The following KIAA1217 variants were observed in gnomAD, a reference collection of about 807,000 sequenced individuals.
KIAA1217 encodes the protein sickle tail protein homolog.
A neutral mutation model predicts 163.9 loss-of-function variants in KIAA1217; 88 were observed. The ratio of observed to expected loss-of-function variants is 0.54; its 90% CI spans 0.45 to 0.64. KIAA1217 has a LOEUF of 0.64. KIAA1217 is among the 30% of genes least tolerant of loss of function. KIAA1217 has a pLI of 0.00. For missense variants in KIAA1217, 2,372 were observed against 2,475.0 expected (o/e 0.96, Z 0.88); for synonymous variants, 903 against 923.1 (o/e 0.98, Z 0.39).
At chr10:23,763,443 C>T (rs1348443198) in intron 1 of KIAA1217, among the ~76,000 whole-genome samples, 3 of 151,992 alleles carry the variant, frequency 2.0e-5, no homozygotes, top group Non-Finnish European at 4.4e-5. Flanking sequence ...GAACAGAGAC[C>T]CCAGAAATAA....
chr10:24,474,570 A>G (rs556912686), intron 6 of KIAA1217, among the ~76,000 whole-genome samples: 1 of 152,316 alleles, frequency 6.6e-6, no homozygotes, highest in Admixed American at 6.5e-5. Context: ...TTCTAGGAGG[A>G]TAAACATCTG....
chr10:23,889,668 C>A (rs1456928209), intron 1 of KIAA1217, among the ~76,000 whole-genome samples: 2 of 141,124 alleles, frequency 1.4e-5, no homozygotes, highest in African/African-American at 5.6e-5. Flanking sequence ...ATTTGAAGAG[C>A]AAGAAAATGC....
At chr10:23,970,608 C>T (rs1251920001) in intron 1 of KIAA1217, among the ~76,000 whole-genome samples, 1 of 152,198 alleles carries the variant, frequency 6.6e-6, no homozygotes, top group Non-Finnish European at 1.5e-5. Flanking sequence ...GTATTGTCTA[C>T]TTGAAAAGTG....
chr10:24,524,068 C>T (rs906006171), intron 12 of KIAA1217, among the ~76,000 whole-genome samples: 32 of 152,248 alleles, frequency 2.1e-4, no homozygotes, highest in African/African-American at 7.0e-4. Context: ...CAGAATCAGG[C>T]GGAGGAGTTA....
chr10:24,092,804 G>A (rs1308819274), intron 2 of KIAA1217, among the ~76,000 whole-genome samples: 1 of 151,740 alleles, frequency 6.6e-6, no homozygotes, highest in Non-Finnish European at 1.5e-5. Flanking sequence ...TGATGGAACT[G>A]TTTTGTATCA....
intron 3 of KIAA1217, among the ~76,000 whole-genome samples, chr10:24,410,374 C>G (rs2057661041): frequency 6.6e-6 from 1 of 152,140 alleles, no homozygotes; most frequent in Non-Finnish European, 1.5e-5. Flanking sequence ...CCTAATAAAA[C>G]TGTTTTGAAA....
chr10:24,195,935 T>C (rs1003773789), intron 2 of KIAA1217, among the ~76,000 whole-genome samples: 4 of 152,018 alleles, frequency 2.6e-5, no homozygotes, highest in African/African-American at 9.7e-5. Flanking sequence ...TTGAGACTAT[T>C]CTGGGCAGCA....
At chr10:23,970,856 C>T (rs1845283750) in intron 1 of KIAA1217, among the ~76,000 whole-genome samples, 1 of 152,220 alleles carries the variant, frequency 6.6e-6, no homozygotes, top group African/African-American at 2.4e-5. Context: ...TACAGGTCTG[C>T]AGCAACCTCA....
intron 2 of KIAA1217, among the ~76,000 whole-genome samples, chr10:24,036,984 G>A (rs554961791): frequency 1.1e-3 from 160 of 152,320 alleles, no homozygotes; most frequent in African/African-American, 3.2e-3. Context: ...CAGAGGTGCT[G>A]ACAGTGAAAT....
intron 1 of KIAA1217, among the ~76,000 whole-genome samples, chr10:23,951,320 A>G (rs1348383787): frequency 6.6e-6 from 1 of 152,172 alleles, no homozygotes; most frequent in Non-Finnish European, 1.5e-5. Context: ...TAATGTCCTC[A>G]TTTTAGTTAT....
chr10:24,170,715 C>A (rs2065587962), intron 2 of KIAA1217, among the ~76,000 whole-genome samples: 1 of 152,238 alleles, frequency 6.6e-6, no homozygotes, highest in Admixed American at 6.5e-5. Context: ...CCATTCATTT[C>A]TATTCCGAGT....
chr10:24,030,939 A>T (rs1230556698), intron 2 of KIAA1217, among the ~76,000 whole-genome samples: 1 of 152,188 alleles, frequency 6.6e-6, no homozygotes, highest in African/African-American at 2.4e-5. Flanking sequence ...CATAGACATT[A>T]AGGTTGTTTC....
chr10:24,418,085 T>A (rs997514723), intron 3 of KIAA1217, among the ~76,000 whole-genome samples: 3 of 151,994 alleles, frequency 2.0e-5, no homozygotes, highest in African/African-American at 7.2e-5. Context: ...TAGCTGGGAC[T>A]ACAGGCATCT....
At chr10:24,431,162 A>G (rs999424930) in intron 3 of KIAA1217, among the ~76,000 whole-genome samples, 13 of 152,090 alleles carry the variant, frequency 8.5e-5, no homozygotes, top group Admixed American at 5.2e-4. Flanking sequence ...TGTCACTTTA[A>G]TGGAATTTCT....
intron 2 of KIAA1217, among the ~76,000 whole-genome samples, chr10:24,169,304 TC>T (rs1213705093): frequency 6.6e-6 from 1 of 152,218 alleles, no homozygotes; most frequent in Non-Finnish European, 1.5e-5. Flanking sequence ...TGCCCGTTCT[TC>T]CTGACCCATG....
chr10:24,426,629 A>C (rs1456258687), intron 3 of KIAA1217, among the ~76,000 whole-genome samples: 1 of 152,196 alleles, frequency 6.6e-6, no homozygotes, highest in Non-Finnish European at 1.5e-5. Context: ...TGTCTGAAAA[A>C]AAAAAGTCAT....
At chr10:23,717,448 A>C (rs1564362563) in intron 1 of KIAA1217, among the ~76,000 whole-genome samples, 1 of 152,064 alleles carries the variant, frequency 6.6e-6, no homozygotes, top group Non-Finnish European at 1.5e-5. Context: ...CCACTGGAGA[A>C]CTCACAAGGC....
chr10:24,520,687 CA>C (rs71472810), intron 11 of KIAA1217, among the ~76,000 whole-genome samples: 7 of 81,482 alleles, frequency 8.6e-5, no homozygotes, highest in Non-Finnish European at 1.1e-4. Context: ...CACACACACA[CA>C]AAAAAAAATT....
At chr10:24,424,206 C>T (rs930708634) in intron 3 of KIAA1217, among the ~76,000 whole-genome samples, 6 of 152,102 alleles carry the variant, frequency 3.9e-5, no homozygotes, top group Admixed American at 1.3e-4. Flanking sequence ...GACTTAACAG[C>T]GGGAGAGTTC....
Sources: gnomAD v4.1 joint callset for allele counts (sites outside exome capture counted in the v4.1 genomes callset) on GRCh38, gnomAD v4.1.1 for gene constraint, MANE v1.5 for transcripts, NCBI Gene and HGNC (gene_info 2026-07-23, HGNC 2026-07-21) for gene names.